SRGAP2C: variants seen among roughly 807,000 people sequenced by gnomAD.
SRGAP2C encodes the protein SLIT-ROBO Rho GTPase activating protein 2C.
In SRGAP2C, 15 loss-of-function variants were observed where a neutral mutation model predicts 25.1. That is an observed-to-expected ratio of 0.60 (90% CI 0.40 to 0.92). The LOEUF is 0.92. Among genes scored for constraint, SRGAP2C ranks in the 40% least tolerant of loss-of-function variants. SRGAP2C has a pLI of 0.00. For synonymous variants in SRGAP2C, 44 were observed against 96.6 expected (o/e 0.46, Z 3.19); for missense variants, 144 against 264.4 (o/e 0.54, Z 3.16).
rs1449977553 is a variant in SRGAP2C at position 121,285,010 on chromosome 1, G to A, written c.260+15G>A. The A allele has an allele frequency of 1.6e-5, 22 of 1,374,402 alleles. No individual in the cohort carries two copies. The highest frequency in any genetic ancestry group is 2.1e-5 in the Non-Finnish European group (22 of 1,031,398). The allele number at this position is 1,374,402 out of a possible 1,614,324, so 85.1% of individuals were successfully genotyped here. A position where few individuals can be genotyped will look rare whatever the true frequency, so the allele number is the denominator to read the frequency against. On this transcript the variant is annotated intron_variant, in intron 3 of 9. Coordinates refer to ENST00000367123, the MANE Select transcript of SRGAP2C (RefSeq NM_001329984.2). Reference sequence around the variant, plus strand: ...CAGCAATTCAAGTAGGGGCTCTGTGGCTATTACTCTCTGAGACCTTGGAAT... The same window carrying A: ...CAGCAATTCAAGTAGGGGCTCTGTGACTATTACTCTCTGAGACCTTGGAAT...
In SRGAP2C at chr1:121,391,975, G is replaced by GA. The variant is rs1314516336; in HGVS notation, c.*4126dup. 3.3e-5 allele frequency: 5 copies of GA among 152,384 alleles called. No individual in the cohort carries two copies. Among genetic ancestry groups the GA allele is most frequent in the Admixed American group, 6.5e-5 (1 of 15,312 alleles). 9.4% of individuals were successfully genotyped at this position (152,384 alleles called of 1,614,324 possible). A position where few individuals can be genotyped will look rare whatever the true frequency, so the allele number is the denominator to read the frequency against. On this transcript the variant is annotated 3_prime_UTR_variant, in exon 10 of 10. Coordinates refer to ENST00000367123, the MANE Select transcript of SRGAP2C (RefSeq NM_001329984.2). ...CATAAACAAAGAAATAAAGGAATCA[G>GA]AAAAAATATTAAAAAGTAGGAATAT... is the stretch of plus-strand genomic sequence containing the variant.
chr1:121,359,938 C>G (rs1264515119), intron 4 of SRGAP2C, among the ~76,000 whole-genome samples: 1 of 151,896 alleles, frequency 6.6e-6, no homozygotes, highest in Non-Finnish European at 1.5e-5. Flanking sequence ...AATCAGCACT[C>G]TGTAAAAATG....
At chr1:121,221,763 T>C (rs1441984833) in intron 2 of SRGAP2C, among the ~76,000 whole-genome samples, 1 of 138,896 alleles carries the variant, frequency 7.2e-6, no homozygotes, top group Admixed American at 7.1e-5. Flanking sequence ...CTTTGGGTTT[T>C]ATTCTGAACT....
intron 2 of SRGAP2C, among the ~76,000 whole-genome samples, chr1:121,249,576 A>AT (rs1274776472): frequency 0.049 from 1,030 of 21,086 alleles, 5 homozygotes; most frequent in Non-Finnish European, 0.072. Flanking sequence ...ATATATATAT[A>AT]TATATTTTTT....
At chr1:121,315,207 A>G (rs1178470576) in intron 3 of SRGAP2C, among the ~76,000 whole-genome samples, 1 of 151,036 alleles carries the variant, frequency 6.6e-6, no homozygotes, top group African/African-American at 2.4e-5. Context: ...TTACAGGCAC[A>G]ATCATTGTGC....
intron 2 of SRGAP2C, among the ~76,000 whole-genome samples, chr1:121,190,261 A>G (rs1553319567): frequency 6.8e-6 from 1 of 147,568 alleles, no homozygotes; most frequent in African/African-American, 2.5e-5. Context: ...ACAGATGCCA[A>G]GATAAAAAGA....
At position 121,370,205 on chromosome 1, in the gene SRGAP2C, C is replaced by A. The variant is rs868927309; in HGVS notation, c.487-3766C>A. ...TTGGATGGTCACATTGCCGAGAGAT[C>A]ACACTTTTGATCTCCCACTCATGTC... On this transcript the variant is annotated intron_variant, in intron 5 of 9. Coordinates refer to ENST00000367123, the MANE Select transcript of SRGAP2C (RefSeq NM_001329984.2). Among the ~76,000 whole-genome samples the A allele has an allele frequency of 3.9e-4, 36 of 91,230 alleles. 4 individuals are homozygous for A. The highest frequency in any genetic ancestry group is 1.4e-3 in the African/African-American group (34 of 24,648). The allele number at this position is 91,230 out of a possible 152,430, so 59.9% of individuals were successfully genotyped here.
rs1382140683 is a variant in SRGAP2C at position 121,329,261 on chromosome 1, T to A, written c.423+4621T>A. Among the ~76,000 whole-genome samples, 45 of 152,278 alleles carry A rather than the reference T, an allele frequency of 3.0e-4. 1 individual carries two copies. The South Asian group carries it at 6.2e-3, about 21-fold the overall frequency. The stretch of plus-strand genomic sequence containing the variant: ...TAAGAAAAATGAAATGAAGCTAACG[T>A]TTAACTCCAGTCACTTGGCTCTAGA... On this transcript the variant is annotated intron_variant, in intron 4 of 9. Transcript: ENST00000367123.
rs1656511580 is a variant in SRGAP2C at position 121,257,800 on chromosome 1, A to G, written c.68-27003A>G. ...CATTTAATTTAATTTTGCAGATGGC[A>G]GGAGGTAAGCAGGAAAGCTTGGTCA... On this transcript the variant is annotated intron_variant, in intron 2 of 9. Transcript: ENST00000367123. Among the ~76,000 whole-genome samples the G allele has an allele frequency of 2.3e-5, 3 of 132,156 alleles. No individual in the cohort carries two copies. The South Asian group carries it at 8.2e-4, about 36-fold the overall frequency. 86.7% of individuals were successfully genotyped at this position (132,156 alleles called of 152,430 possible). A position where few individuals can be genotyped will look rare whatever the true frequency, so the allele number is the denominator to read the frequency against.
chr1:121,348,568 C>CT (rs1658812547), intron 4 of SRGAP2C, among the ~76,000 whole-genome samples: 1 of 151,346 alleles, frequency 6.6e-6, no homozygotes, highest in African/African-American at 2.4e-5. Flanking sequence ...AATTTAAAAA[C>CT]TGATACATCA....
At chr1:121,254,285 T>C (rs1213744096) in intron 2 of SRGAP2C, among the ~76,000 whole-genome samples, 2 of 111,204 alleles carry the variant, frequency 1.8e-5, no homozygotes, top group Non-Finnish European at 1.9e-5. Context: ...CCCTAGTTTT[T>C]CTTTTCCTCT....
chr1:121,316,981 C>G (rs1658113141), intron 3 of SRGAP2C, among the ~76,000 whole-genome samples: 1 of 151,384 alleles, frequency 6.6e-6, no homozygotes, highest in African/African-American at 2.4e-5. Flanking sequence ...CCCAGGTCTA[C>G]AGAAGCTATA....
In SRGAP2C at chr1:121,221,486, G is replaced by A. The variant is rs587744844; in HGVS notation, c.67+33973G>A. ...AGCACTTTGGGAGGCCAAGGCGGGC[G>A]GATCACGAGATCAGGAGTTCGAGAC... On this transcript the variant is annotated intron_variant, in intron 2 of 9. Transcript: ENST00000367123. 6.6e-5 allele frequency among the ~76,000 whole-genome samples: 5 copies of A among 75,410 alleles called. 2 individuals carry two copies. Among genetic ancestry groups the A allele is most frequent in the African/African-American group, 1.4e-4 (2 of 14,706 alleles). The allele number at this position is 75,410 out of a possible 152,430, so 49.5% of individuals were successfully genotyped here.
At chr1:121,368,061 G>A (rs1273908678) in intron 5 of SRGAP2C, among the ~76,000 whole-genome samples, 3 of 95,186 alleles carry the variant, frequency 3.2e-5, no homozygotes, top group Non-Finnish European at 4.3e-5. Context: ...GGGCAACAGA[G>A]CGAGACTCTG....
At chr1:121,218,758 A>T (rs1655459058) in intron 2 of SRGAP2C, among the ~76,000 whole-genome samples, 1 of 151,966 alleles carries the variant, frequency 6.6e-6, no homozygotes, top group Admixed American at 6.6e-5. Flanking sequence ...GAGGGGGAAA[A>T]AAAAAGTGAA....
At chr1:121,323,643 A>C (rs1179448033) in intron 3 of SRGAP2C, among the ~76,000 whole-genome samples, 1 of 132,796 alleles carries the variant, frequency 7.5e-6, no homozygotes, top group Non-Finnish European at 1.6e-5. Context: ...AAAAAAAGGG[A>C]ATGAGCACCT....
chr1:121,366,824 T>C (rs1402854768), intron 5 of SRGAP2C, among the ~76,000 whole-genome samples: 17 of 151,284 alleles, frequency 1.1e-4, no homozygotes, highest in African/African-American at 4.1e-4. Context: ...GTAGTTTGGA[T>C]AACCAACAAA....
At chr1:121,377,125 GTC>G in intron 7 of SRGAP2C, among the ~76,000 whole-genome samples, 1 of 89,802 alleles carries the variant, frequency 1.1e-5, no homozygotes, top group South Asian at 3.2e-4. Context: ...AAAAAAAAAC[GTC>G]TGCTAAGAGC....
At position 121,343,611 on chromosome 1, in the gene SRGAP2C, A is replaced by G. The variant is rs1553343139; in HGVS notation, c.423+18971A>G. ...CAGGATCCTGCTCTCTGAATCAGAG[A>G]TCTCTTAGTTGGAAAATCAGGCCTT... On this transcript the variant is annotated intron_variant, in intron 4 of 9. Transcript: ENST00000367123. Among the ~76,000 whole-genome samples the G allele has an allele frequency of 1.9e-5, 2 of 106,080 alleles. 1 individual carries two copies. Among genetic ancestry groups the G allele is most frequent in the Non-Finnish European group, 3.9e-5 (2 of 51,468 alleles). 69.6% of individuals were successfully genotyped at this position (106,080 alleles called of 152,430 possible). A position where few individuals can be genotyped will look rare whatever the true frequency, so the allele number is the denominator to read the frequency against.
Sources: gnomAD v4.1 joint callset for allele counts (sites outside exome capture counted in the v4.1 genomes callset) on GRCh38, gnomAD v4.1.1 for gene constraint, MANE v1.5 for transcripts, NCBI Gene and HGNC (gene_info 2026-07-23, HGNC 2026-07-21) for gene names.